Variants in IQCM observed in about 807,000 individuals in gnomAD.
IQCM encodes IQ domain-containing protein M.
IQCM carries 45 observed loss-of-function variants against 57.6 expected under a neutral mutation model. The ratio of observed to expected loss-of-function variants is 0.78; its 90% CI spans 0.62 to 1.00. IQCM has a LOEUF of 1.00. IQCM is among the 50% of genes least tolerant of loss of function. IQCM has a pLI of 0.00. For synonymous variants in IQCM, 148 were observed against 158.9 expected (o/e 0.93, Z 0.51); for missense variants, 468 against 511.6 (o/e 0.91, Z 0.82).
chr4:149,489,824 T>A (rs1231120594), intron 12 of IQCM, among the ~76,000 whole-genome samples: 1 of 151,798 alleles, frequency 6.6e-6, no homozygotes, highest in Admixed American at 6.6e-5. Flanking sequence ...TAAACATATA[T>A]TAGAATACAG....
chr4:149,735,664 C>T (rs998918384), intron 3 of IQCM, among the ~76,000 whole-genome samples: 10 of 152,014 alleles, frequency 6.6e-5, no homozygotes, highest in Admixed American at 3.9e-4. Context: ...AGAAAATATA[C>T]AAAACAGAAA....
At chr4:149,534,387 T>C (rs1234847736) in intron 12 of IQCM, among the ~76,000 whole-genome samples, 1 of 152,158 alleles carries the variant, frequency 6.6e-6, no homozygotes, top group East Asian at 1.9e-4. Context: ...TTAATGCCGA[T>C]AGGCATTACT....
At chr4:149,489,450 C>CATT (rs966251192) in intron 12 of IQCM, among the ~76,000 whole-genome samples, 34 of 152,002 alleles carry the variant, frequency 2.2e-4, no homozygotes, top group African/African-American at 7.7e-4. Context: ...TATAGAAACT[C>CATT]AATAATGAGT....
chr4:149,580,374 A>T (rs1028997050), intron 9 of IQCM, among the ~76,000 whole-genome samples: 2 of 151,990 alleles, frequency 1.3e-5, no homozygotes, highest in African/African-American at 4.8e-5. Context: ...CTTAGAGTCT[A>T]TCAGTTATCA....
intron 5 of IQCM, among the ~76,000 whole-genome samples, chr4:149,695,711 T>C (rs114859029): frequency 3.3e-5 from 5 of 152,148 alleles, no homozygotes; most frequent in African/African-American, 9.6e-5. Flanking sequence ...TAATACATAA[T>C]AGATGAGATA....
intron 8 of IQCM, among the ~76,000 whole-genome samples, chr4:149,591,750 G>C (rs1400123426): frequency 3.3e-5 from 5 of 152,218 alleles, no homozygotes; most frequent in Admixed American, 2.0e-4. Context: ...ATGGTTTCCA[G>C]CTTCATCCAT....
At chr4:149,797,535 T>C (rs1032451134) in intron 2 of IQCM, among the ~76,000 whole-genome samples, 3 of 151,756 alleles carry the variant, frequency 2.0e-5, no homozygotes, top group African/African-American at 7.3e-5. Context: ...TAATAGGATA[T>C]CCAATATCCT....
At chr4:149,609,833 G>C (rs1324483378) in intron 8 of IQCM, among the ~76,000 whole-genome samples, 1 of 151,862 alleles carries the variant, frequency 6.6e-6, no homozygotes, top group Non-Finnish European at 1.5e-5. Flanking sequence ...GATAAGACAA[G>C]GATGTCCACT....
At chr4:149,579,623 T>C (rs1751989421) in intron 9 of IQCM, among the ~76,000 whole-genome samples, 1 of 151,962 alleles carries the variant, frequency 6.6e-6, no homozygotes, top group African/African-American at 2.4e-5. Flanking sequence ...TACAGCTCTC[T>C]TGGGCAGGAC....
At chr4:149,766,489 TC>T (rs1469520982) in intron 2 of IQCM, among the ~76,000 whole-genome samples, 2 of 152,154 alleles carry the variant, frequency 1.3e-5, no homozygotes, top group Non-Finnish European at 2.9e-5. Context: ...TGTTCCTGGC[TC>T]CCCAGATACC....
intron 2 of IQCM, among the ~76,000 whole-genome samples, chr4:149,803,828 G>GACCC (rs2150053777): frequency 6.6e-6 from 1 of 152,014 alleles, no homozygotes; most frequent in African/African-American, 2.4e-5. Flanking sequence ...GAGATGTGCA[G>GACCC]TTCTTTGAGT....
In IQCM at chr4:149,765,090, A is replaced by G. The variant is rs189646080; in HGVS notation, c.-48-22351T>C. ...TCAAAATCACTTTAAACATAGAAAA[A>G]TTACCAAAAAAAATTTCTTTATGAA... On this transcript the variant is annotated intron_variant, in intron 2 of 13. Transcript: ENST00000636793. Among the ~76,000 whole-genome samples the G allele has an allele frequency of 2.6e-5, 4 of 152,040 alleles. No homozygotes were observed. In the East Asian group the frequency reaches 7.7e-4, roughly 29 times the overall value.
chr4:149,799,032 T>C (rs1242707304), intron 2 of IQCM, among the ~76,000 whole-genome samples: 1 of 141,870 alleles, frequency 7.0e-6, no homozygotes, highest in Non-Finnish European at 1.5e-5. Flanking sequence ...AAGATATGCA[T>C]CCTTTATTTT....
chr4:149,811,682 G>A (rs192405833), intron 2 of IQCM, among the ~76,000 whole-genome samples: 19 of 152,226 alleles, frequency 1.2e-4, no homozygotes, highest in African/African-American at 3.9e-4. Context: ...ACCCACTTCA[G>A]TGCTCTCAGC....
At chr4:149,521,114 T>C (rs917250326) in intron 12 of IQCM, among the ~76,000 whole-genome samples, 1 of 152,192 alleles carries the variant, frequency 6.6e-6, no homozygotes, top group African/African-American at 2.4e-5. Context: ...TCATGAATAG[T>C]TCTTTCTGTT....
At chr4:149,428,348 C>G (rs930355588) in intron 13 of IQCM, among the ~76,000 whole-genome samples, 2 of 151,522 alleles carry the variant, frequency 1.3e-5, no homozygotes, top group African/African-American at 2.4e-5. Context: ...CACAATAAAT[C>G]AAACATGTAT....
intron 12 of IQCM, among the ~76,000 whole-genome samples, chr4:149,497,338 G>A (rs1357225086): frequency 6.6e-6 from 1 of 152,076 alleles, no homozygotes; most frequent in Non-Finnish European, 1.5e-5. Flanking sequence ...CAGAAGGCCA[G>A]ATATTAGGAG....
Position 149,719,720 on chromosome 4 carries a change from T to A in IQCM, c.385+13524A>T, listed in dbSNP as rs943025026. Among the ~76,000 whole-genome samples the A allele has an allele frequency of 2.6e-5, 4 of 152,214 alleles. No homozygotes were observed. The East Asian group carries it at 7.7e-4, about 29-fold the overall frequency. On this transcript the variant is annotated intron_variant, in intron 5 of 13. Coordinates refer to ENST00000636793, the MANE Select transcript of IQCM (RefSeq NM_001363507.2). ...GTGACCTCCAAGCTCACATCATCCT[T>A]GTTGGATTAAGCCCCATCACTCAAC...
chr4:149,696,590 C>A (rs190101613), intron 5 of IQCM, among the ~76,000 whole-genome samples: 1 of 152,092 alleles, frequency 6.6e-6, no homozygotes, highest in East Asian at 1.9e-4. Context: ...TGCATTAATT[C>A]GTATCTCAAA....
Sources: gnomAD v4.1 joint callset for allele counts (sites outside exome capture counted in the v4.1 genomes callset) on GRCh38, gnomAD v4.1.1 for gene constraint, MANE v1.5 for transcripts, NCBI Gene and HGNC (gene_info 2026-07-23, HGNC 2026-07-21) for gene names.